FRMD4B: variants seen among roughly 807,000 people sequenced by gnomAD.
FRMD4B encodes the protein FERM domain containing 4B.
Under a neutral mutation model 141.5 loss-of-function variants are expected in FRMD4B, and 74 were observed. That is an observed-to-expected ratio of 0.52 (90% CI 0.43 to 0.63). FRMD4B has a LOEUF of 0.63. FRMD4B is among the 30% of genes least tolerant of loss of function. FRMD4B has a pLI of 0.00. For missense variants in FRMD4B, 1,366 were observed against 1,253.4 expected (o/e 1.09, Z -1.36); for synonymous variants, 506 against 467.9 (o/e 1.08, Z -1.05).
chr3:69,430,127 G>A (rs1705155080), intron 2 of FRMD4B, among the ~76,000 whole-genome samples: 1 of 151,900 alleles, frequency 6.6e-6, no homozygotes, highest in Non-Finnish European at 1.5e-5. Context: ...ACTAGAAAGA[G>A]TTCTGCTTGG....
chr3:69,215,597 C>A (rs552986173), intron 11 of FRMD4B, among the ~76,000 whole-genome samples: 17 of 151,824 alleles, frequency 1.1e-4, no homozygotes, highest in Admixed American at 7.2e-4. Context: ...GGCCTGTGAC[C>A]CTTTCATAAA....
At chr3:69,258,258 G>A (rs2093504825) in intron 5 of FRMD4B, among the ~76,000 whole-genome samples, 1 of 152,084 alleles carries the variant, frequency 6.6e-6, no homozygotes, top group East Asian at 1.9e-4. Flanking sequence ...GAGCCACTGC[G>A]CCCAGCCAGT....
intron 11 of FRMD4B, among the ~76,000 whole-genome samples, chr3:69,202,361 ATGTG>A (rs34290150): frequency 6.3e-4 from 96 of 151,712 alleles, no homozygotes; most frequent in African/African-American, 1.7e-3. Context: ...TATGACATAT[ATGTG>A]TGTGTGTGTA....
intron 1 of FRMD4B, among the ~76,000 whole-genome samples, chr3:69,517,428 T>C (rs1345759258): frequency 6.9e-6 from 1 of 144,766 alleles, no homozygotes; most frequent in Non-Finnish European, 1.5e-5. Context: ...TAAGAAATAA[T>C]TGAACAGAGA....
rs549078563 is a variant in FRMD4B, at chr3:69,301,568, G to A, written c.416+775C>T. On this transcript the variant is annotated intron_variant, in intron 4 of 22. Coordinates refer to ENST00000398540, the MANE Select transcript of FRMD4B (RefSeq NM_015123.3). ...TGTTCTCAAACTCCTAACCTCAAGT[G>A]ATCCACCTGCCTCAGCCTCCCAAGG... 3.9e-5 allele frequency among the ~76,000 whole-genome samples: 6 copies of A among 152,240 alleles called. No individual in the cohort carries two copies. In the South Asian group the frequency reaches 1.2e-3, roughly 32 times the overall value.
At chr3:69,519,204 A>G (rs1161717007) in intron 1 of FRMD4B, among the ~76,000 whole-genome samples, 2 of 152,204 alleles carry the variant, frequency 1.3e-5, no homozygotes, top group Admixed American at 1.3e-4. Context: ...AGGTTTGGGA[A>G]GTAAAGGCAA....
chr3:69,235,485 C>T (rs1017649589), intron 7 of FRMD4B, among the ~76,000 whole-genome samples: 1 of 151,714 alleles, frequency 6.6e-6, no homozygotes, highest in African/African-American at 2.4e-5. Flanking sequence ...GAGGTGAAAC[C>T]CTGTCTCTAC....
At chr3:69,347,836 T>A (rs1220159205) in intron 1 of FRMD4B, among the ~76,000 whole-genome samples, 4 of 152,228 alleles carry the variant, frequency 2.6e-5, no homozygotes, top group African/African-American at 9.6e-5. Flanking sequence ...TAAAGCAGTG[T>A]GTAGAGGGAA....
At chr3:69,366,060 AACACACACACACACACAC>A (rs4063529) in intron 1 of FRMD4B, among the ~76,000 whole-genome samples, 11 of 127,190 alleles carry the variant, frequency 8.6e-5, no homozygotes, top group South Asian at 5.6e-4. Flanking sequence ...ACCTCTACAA[AACACACACACACACACAC>A]ACACACACAC....
rs2092573414 is a variant in FRMD4B at position 69,170,403 on chromosome 3, A to ATTAT, written c.*1457_*1458insATAA. 1 of 150,740 alleles carries ATTAT rather than the reference A, an allele frequency of 6.6e-6. No individual in the cohort carries two copies. Among genetic ancestry groups the ATTAT allele is most frequent in the African/African-American group, 2.4e-5 (1 of 41,128 alleles). The allele number at this position is 150,740 out of a possible 1,614,324, so 9.3% of individuals were successfully genotyped here. On this transcript the variant is annotated 3_prime_UTR_variant, in exon 23 of 23. Coordinates refer to ENST00000398540, the MANE Select transcript of FRMD4B (RefSeq NM_015123.3). ...CAAATATGCAAAAAAGGAATAAGTT[A>ATTAT]TTTTTTTTTGCTTGTCTTTTTTCCA...
At position 69,211,562 on chromosome 3, in the gene FRMD4B, G is replaced by A. The variant is rs2093079951; in HGVS notation, c.876+4701C>T. ...TGAAGGTCACTGCTGGGAGATCTTG[G>A]AACAACTCCTTTTCAAAACAGCCTT... On this transcript the variant is annotated intron_variant, in intron 11 of 22. Coordinates refer to ENST00000398540, the MANE Select transcript of FRMD4B (RefSeq NM_015123.3). Among the ~76,000 whole-genome samples, 3 of 152,152 alleles carry A rather than the reference G, an allele frequency of 2.0e-5. 1 individual carries two copies. In the South Asian group the frequency reaches 6.2e-4, roughly 31 times the overall value.
Position 69,370,297 on chromosome 3 carries a change from T to C in FRMD4B, c.162+15531A>G, listed in dbSNP as rs528667015. ...TGTCTGTCAGGAAAAACAGGGCACCTTCCAGAGCCCAACCACAGGGCCGGG... is the reference window on the plus strand; with the variant it reads ...TGTCTGTCAGGAAAAACAGGGCACCCTCCAGAGCCCAACCACAGGGCCGGG... On this transcript the variant is annotated intron_variant, in intron 1 of 22. Coordinates refer to ENST00000398540, the MANE Select transcript of FRMD4B (RefSeq NM_015123.3). 7.2e-5 allele frequency among the ~76,000 whole-genome samples: 11 copies of C among 152,224 alleles called. No individual in the cohort carries two copies. In the East Asian group the frequency reaches 2.1e-3, roughly 30 times the overall value.
intron 1 of FRMD4B, among the ~76,000 whole-genome samples, chr3:69,540,598 G>A (rs1701158952): frequency 9.4e-6 from 1 of 106,382 alleles, no homozygotes; most frequent in Admixed American, 1.3e-4. Context: ...GGGCGACAGA[G>A]TGAGACTCTG....
chr3:69,521,722 T>C (rs367815503), intron 1 of FRMD4B, among the ~76,000 whole-genome samples: 9 of 152,274 alleles, frequency 5.9e-5, no homozygotes, highest in Admixed American at 1.3e-4. Context: ...CTACCAAGCA[T>C]GTTCCTACCT....
At chr3:69,287,530 T>G (rs1345350103) in intron 5 of FRMD4B, 1 of 545,216 alleles carries the variant, frequency 1.8e-6, no homozygotes, top group Non-Finnish European at 3.3e-6. Context: ...TGATTGTGCA[T>G]ATGCAGGATT....
intron 7 of FRMD4B, among the ~76,000 whole-genome samples, chr3:69,240,757 T>C (rs901449703): frequency 3.9e-5 from 6 of 152,234 alleles, no homozygotes; most frequent in African/African-American, 1.4e-4. Flanking sequence ...TGTATTGTTA[T>C]GTGTTATGTT....
chr3:69,347,074 A>G (rs1305818528), intron 1 of FRMD4B, among the ~76,000 whole-genome samples: 1 of 152,244 alleles, frequency 6.6e-6, no homozygotes, highest in East Asian at 1.9e-4. Context: ...AGTGTGCTGT[A>G]TTCAGGAGAC....
At chr3:69,507,631 C>G (rs963881857) in intron 1 of FRMD4B, among the ~76,000 whole-genome samples, 1 of 151,902 alleles carries the variant, frequency 6.6e-6, no homozygotes, top group Non-Finnish European at 1.5e-5. Context: ...TAGGGGGTAC[C>G]CTTGTACATT....
rs1423337103 is a variant in FRMD4B, at chr3:69,350,854, A to T, written c.162+34974T>A. Among the ~76,000 whole-genome samples, 5 of 142,750 alleles carry T rather than the reference A, an allele frequency of 3.5e-5. No individual in the cohort carries two copies. In the East Asian group the frequency reaches 1.1e-3, roughly 31 times the overall value. The allele number at this position is 142,750 out of a possible 152,430, so 93.6% of individuals were successfully genotyped here. A position where few individuals can be genotyped will look rare whatever the true frequency, so the allele number is the denominator to read the frequency against. On this transcript the variant is annotated intron_variant, in intron 1 of 22. Transcript: ENST00000398540. ...TGTGGGGAGGGGGGAGGGGGGAGGG[A>T]TAGCATTAGGAGATATACCTAATGT...
Sources: allele counts gnomAD v4.1 joint callset (sites outside exome capture counted in the v4.1 genomes callset), GRCh38; gene constraint gnomAD v4.1.1; transcripts MANE v1.5; gene names NCBI Gene and HGNC (gene_info 2026-07-23, HGNC 2026-07-21).